POT1: variants seen among roughly 807,000 people sequenced by gnomAD.
POT1 encodes the protein protection of telomeres protein 1.
Under a neutral mutation model 78.5 loss-of-function variants are expected in POT1, and 47 were observed. The ratio of observed to expected loss-of-function variants is 0.60; its 90% CI spans 0.47 to 0.76. The LOEUF (loss-of-function observed/expected upper bound fraction) is 0.76, where lower values mean the gene tolerates loss of function less well. POT1 is among the 30% of genes least tolerant of loss of function. The probability of loss-of-function intolerance (pLI) is 0.00; values close to 1 mark genes in which losing one functional copy is unlikely to be tolerated. For missense variants in POT1, 646 were observed against 749.9 expected (o/e 0.86, Z 1.62); for synonymous variants, 259 against 260.7 (o/e 0.99, Z 0.06).
rs1225878757 is a variant in POT1, at chr7:124,842,904, C to CT, written c.1065dup (p.Ala356SerfsTer15). 3.1e-6 allele frequency: 5 copies of CT among 1,608,228 alleles called. No individual in the cohort carries two copies. The highest frequency in any genetic ancestry group is 4.2e-6 in the Non-Finnish European group (5 of 1,177,828). ...GCTCGGATGCGGTATTGTTGAGGAG[C>CT]TTTTTGTTTCAAAATGGCACATAGT... On this transcript the variant is annotated frameshift_variant, in exon 13 of 19. Transcript: ENST00000357628. LOFTEE classifies it high-confidence loss of function.
chr7:124,865,593 T>C (rs187132031), intron 7 of POT1, among the ~76,000 whole-genome samples: 2 of 151,990 alleles, frequency 1.3e-5, no homozygotes, highest in Non-Finnish European at 2.9e-5. Flanking sequence ...TCTATTTTTT[T>C]AATAGTTTCC....
intron 16 of POT1, among the ~76,000 whole-genome samples, chr7:124,828,269 T>C (rs1794679053): frequency 6.6e-6 from 1 of 152,196 alleles, no homozygotes; most frequent in African/African-American, 2.4e-5. Flanking sequence ...GGATATCATC[T>C]GGTTGAATGG....
At chr7:124,869,315 A>G (rs1025569966) in intron 7 of POT1, among the ~76,000 whole-genome samples, 1 of 152,172 alleles carries the variant, frequency 6.6e-6, no homozygotes, top group East Asian at 1.9e-4. Context: ...CTGTAGCAGG[A>G]GACACAATAA....
At chr7:124,918,389 T>C (rs1324750861) in intron 2 of POT1, among the ~76,000 whole-genome samples, 1 of 152,186 alleles carries the variant, frequency 6.6e-6, no homozygotes, top group Admixed American at 6.5e-5. Context: ...AGGGGTAGCA[T>C]GTGTGCCACT....
intron 6 of POT1, among the ~76,000 whole-genome samples, chr7:124,881,273 T>C (rs188994235): frequency 4.6e-5 from 7 of 152,098 alleles, no homozygotes; most frequent in Admixed American, 4.6e-4. Flanking sequence ...ATGCCAATAT[T>C]AAGTGCCACG....
In POT1 at chr7:124,859,082, A is replaced by G. The variant is rs752854457; in HGVS notation, c.577T>C (p.Ser193Pro). The change falls in exon 9 of 19, where the codon TCT becomes CCT. Residue 193 changes from serine (S) to proline (P), a missense_variant. Ser to Pro is a moderately conservative substitution (Grantham distance 74, BLOSUM62 -1). Around this residue, in one of 2 missense-constraint regions of POT1, gnomAD observed 252 missense variants for 341.4 expected, o/e 0.74. Coordinates refer to ENST00000357628, the MANE Select transcript of POT1 (RefSeq NM_015450.3). ...VWDGTRTPFP[S>P]WRVLIQDLVL... ...AGGTCTTGTATTAAGACTCTCCAAGATGGAAATGGTGTCCTGGTGCCATCC... is the reference window on the plus strand; with the variant it reads ...AGGTCTTGTATTAAGACTCTCCAAGGTGGAAATGGTGTCCTGGTGCCATCC... The G allele has an allele frequency of 6.2e-7, 1 of 1,605,056 alleles. No homozygotes were observed. Among genetic ancestry groups the G allele is most frequent in the Non-Finnish European group, 8.5e-7 (1 of 1,174,678 alleles).
intron 6 of POT1, among the ~76,000 whole-genome samples, chr7:124,875,885 T>A (rs1385791682): frequency 6.6e-6 from 1 of 152,186 alleles, no homozygotes; most frequent in African/African-American, 2.4e-5. Context: ...TGGCATTCTT[T>A]CATCTTACAT....
chr7:124,826,044 A>G (rs764813632), intron 17 of POT1, among the ~76,000 whole-genome samples: 4 of 152,188 alleles, frequency 2.6e-5, no homozygotes, highest in Admixed American at 6.5e-5. Context: ...GCCCTGGGTC[A>G]CTATGAATAG....
intron 3 of POT1, among the ~76,000 whole-genome samples, chr7:124,909,431 A>T (rs1256321907): frequency 1.3e-5 from 2 of 151,926 alleles, no homozygotes; most frequent in Non-Finnish European, 2.9e-5. Context: ...TTAAGAATCA[A>T]ATTGGAGAAA....
intron 6 of POT1, 58 bp downstream of exon 6, chr7:124,892,208 G>A (rs1474739766): frequency 9.4e-7 from 1 of 1,058,796 alleles, no homozygotes; most frequent in Non-Finnish European, 1.4e-6. Context: ...ATGGAACCGT[G>A]TTCCTAAATC....
intron 3 of POT1, among the ~76,000 whole-genome samples, chr7:124,915,137 T>C (rs1011583187): frequency 1.3e-5 from 2 of 152,256 alleles, no homozygotes; most frequent in African/African-American, 4.8e-5. Context: ...TGATATATAC[T>C]TAGTAGTCAG....
intron 15 of POT1, 128 bp from the exon 16 acceptor site, chr7:124,829,470 C>T (rs1794709426): frequency 3.3e-6 from 2 of 609,576 alleles, no homozygotes; most frequent in Non-Finnish European, 5.7e-6. Context: ...ACTGCATCCC[C>T]TATATTGTAA....
intron 6 of POT1, among the ~76,000 whole-genome samples, chr7:124,883,062 C>T (rs1435636819): frequency 6.6e-6 from 1 of 151,954 alleles, no homozygotes; most frequent in Non-Finnish European, 1.5e-5. Context: ...TGATAACCTG[C>T]CATGACCTGA....
rs201598479 is a variant in POT1 at position 124,921,316 on chromosome 7, A to C, written c.-226-5670T>G. Among the ~76,000 whole-genome samples the C allele has an allele frequency of 2.6e-5, 4 of 152,276 alleles. No individual in the cohort carries two copies. In the East Asian group the frequency reaches 7.7e-4, roughly 29 times the overall value. The stretch of plus-strand genomic sequence containing the variant: ...ATCAAATCATAGCACTTTATTAATA[A>C]ATACAAGTATACAAGAAATATCACA... On this transcript the variant is annotated intron_variant, in intron 2 of 18. Coordinates refer to ENST00000357628, the MANE Select transcript of POT1 (RefSeq NM_015450.3).
intron 6 of POT1, among the ~76,000 whole-genome samples, chr7:124,887,392 G>A (rs887483157): frequency 2.0e-5 from 3 of 151,922 alleles, no homozygotes; most frequent in African/African-American, 7.3e-5. Flanking sequence ...AATAGTCTTC[G>A]CAATGTTCAT....
chr7:124,857,800 C>A (rs972633442), intron 9 of POT1, among the ~76,000 whole-genome samples: 1 of 152,184 alleles, frequency 6.6e-6, no homozygotes, highest in African/African-American at 2.4e-5. Context: ...TACACAAGAG[C>A]TCGGGTGCCA....
At chr7:124,899,312 C>T (rs1796564850) in intron 3 of POT1, among the ~76,000 whole-genome samples, 2 of 152,102 alleles carry the variant, frequency 1.3e-5, no homozygotes, top group Admixed American at 1.3e-4. Context: ...CTTATTTTGC[C>T]TTTTCTAAAA....
chr7:124,837,775 T>C (rs957996511), intron 14 of POT1, among the ~76,000 whole-genome samples: 2 of 152,024 alleles, frequency 1.3e-5, no homozygotes, highest in South Asian at 2.1e-4. Context: ...ATTGATCAAC[T>C]TCTCTTAAGA....
At chr7:124,869,794 T>C (rs899720307) in intron 7 of POT1, among the ~76,000 whole-genome samples, 4 of 152,184 alleles carry the variant, frequency 2.6e-5, no homozygotes, top group Non-Finnish European at 5.9e-5. Context: ...TTGGTCAGGC[T>C]GGTCTTGAAC....
Sources: gnomAD v4.1 joint callset for allele counts (sites outside exome capture counted in the v4.1 genomes callset) on GRCh38, gnomAD v4.1.1 for gene constraint, gnomAD v4.1.1 regional missense constraint, MANE v1.5 for transcripts, NCBI Gene and HGNC (gene_info 2026-07-23, HGNC 2026-07-21) for gene names.